Variants in CACNG1 observed in about 807,000 individuals in gnomAD.
CACNG1 encodes calcium voltage-gated channel auxiliary subunit gamma 1.
A neutral mutation model predicts 22.0 loss-of-function variants in CACNG1; 21 were observed. The observed-to-expected ratio is 0.95, with a 90% CI of 0.68 to 1.37. The LOEUF (loss-of-function observed/expected upper bound fraction) is 1.37, where lower values mean the gene tolerates loss of function less well. Among genes scored for constraint, CACNG1 ranks in the 40% most tolerant of loss-of-function variants. The pLI, the probability that CACNG1 is intolerant of heterozygous loss-of-function variation, is 0.00. For synonymous variants in CACNG1, 127 were observed against 129.2 expected, an observed-to-expected ratio of 0.98 and a Z score of 0.12; for missense variants, 291 against 308.6, an observed-to-expected ratio of 0.94 and a Z score of 0.43.
chr17:67,048,308 CAAAAAAAAA>C (rs377751953), intron 1 of CACNG1, among the ~76,000 whole-genome samples: 2 of 110,422 alleles, frequency 1.8e-5, no homozygotes, highest in Non-Finnish European at 3.7e-5. Context: ...CTGTCCCTAC[CAAAAAAAAA>C]AAAAAAAACA....
At chr17:67,046,042 T>C (rs1294937886) in intron 1 of CACNG1, among the ~76,000 whole-genome samples, 1 of 152,218 alleles carries the variant, frequency 6.6e-6, no homozygotes, top group Non-Finnish European at 1.5e-5. Context: ...TTCTGGATTC[T>C]TAGCAAATAC....
chr17:67,056,246 G>A lies in CACNG1; in HGVS notation c.644G>A (p.Cys215Tyr). ...PRMPRNPWES[C>Y]MDAEPEH The stretch of plus-strand genomic sequence containing the variant: ...ATGCCCCGGAACCCATGGGAGTCCT[G>A]CATGGATGCTGAGCCCGAGCACTAA... Residue 215 changes from cysteine to tyrosine, a missense_variant, in exon 4 of 4, where the codon TGC (cysteine) becomes TAC (tyrosine). Coordinates refer to ENST00000226021, the MANE Select transcript of CACNG1 (RefSeq NM_000727.4). The surrounding 1 kb of genome is among the most constrained non-coding windows in gnomAD (Gnocchi z 4.3). 1.2e-6 allele frequency: 2 copies of A among 1,613,908 alleles called. No homozygotes were observed. The highest frequency in any genetic ancestry group is 1.3e-5 in the African/African-American group (1 of 75,016).
At chr17:67,049,229 A>C (rs1435743304) in intron 1 of CACNG1, among the ~76,000 whole-genome samples, 1 of 152,218 alleles carries the variant, frequency 6.6e-6, no homozygotes, top group Admixed American at 6.5e-5. Flanking sequence ...TTTTTCCCCA[A>C]ATCTATGGAG....
intron 1 of CACNG1, among the ~76,000 whole-genome samples, chr17:67,049,210 A>G (rs11651301): frequency 0.43 from 65,581 of 152,006 alleles, 14,589 homozygotes; most frequent in East Asian, 0.76. Context: ...TAATAAGATG[A>G]ACAGCCAATT....
intron 1 of CACNG1, among the ~76,000 whole-genome samples, chr17:67,045,821 C>T (rs906905256): frequency 7.2e-5 from 11 of 152,178 alleles, no homozygotes; most frequent in African/African-American, 2.7e-4. Context: ...CCATGCCCGA[C>T]CTCCACCTGT....
At chr17:67,046,307 T>C (rs2035696687) in intron 1 of CACNG1, among the ~76,000 whole-genome samples, 1 of 152,222 alleles carries the variant, frequency 6.6e-6, no homozygotes, top group South Asian at 2.1e-4. Context: ...ATTTCCTCTT[T>C]TATCAGACTA....
chr17:67,055,805 G>T lies in CACNG1; in HGVS notation c.443-240G>T, dbSNP rs539718223. On this transcript the variant is annotated intron_variant, in intron 3 of 3. Coordinates refer to ENST00000226021, the MANE Select transcript of CACNG1 (RefSeq NM_000727.4). The surrounding 1 kb of genome is among the most constrained non-coding windows in gnomAD (Gnocchi z 4.5). ...TCCTCCTGCCTCAGCCTCCCAAAGT[G>T]CTGGGATTACAGGTGTGAGCCACCA... 6.6e-6 allele frequency among the ~76,000 whole-genome samples: 1 copy of T among 152,316 alleles called. No individual in the cohort carries two copies.
At chr17:67,045,887 G>A (rs2035694204) in intron 1 of CACNG1, among the ~76,000 whole-genome samples, 1 of 152,182 alleles carries the variant, frequency 6.6e-6, no homozygotes, top group Non-Finnish European at 1.5e-5. Context: ...GACCCTGTCA[G>A]AGTTACAAAG....
Position 67,054,177 on chromosome 17 carries a change from T to C in CACNG1, c.304+107T>C. 1 of 902,006 alleles carries C rather than the reference T, an allele frequency of 1.1e-6. No homozygotes were observed. Among genetic ancestry groups the C allele is most frequent in the Non-Finnish European group, 1.8e-6 (1 of 544,008 alleles). The allele number at this position is 902,006 out of a possible 1,614,324, so 55.9% of individuals were successfully genotyped here. A position where few individuals can be genotyped will look rare whatever the true frequency, so the allele number is the denominator to read the frequency against. ...AAAGCACTGACTTCCTCACGCCTGA[T>C]GAGAAGAAGCCTGTGGTGCATTTGA... On this transcript the variant is annotated intron_variant, in intron 2 of 3. Transcript: ENST00000226021. This position sits in a 1 kb window ranked among gnomAD's most constrained non-coding sequence, Gnocchi z 4.6.
At chr17:67,047,106 C>A (rs1406730263) in intron 1 of CACNG1, among the ~76,000 whole-genome samples, 1 of 152,100 alleles carries the variant, frequency 6.6e-6, no homozygotes, top group Non-Finnish European at 1.5e-5. Context: ...TCATATGTGG[C>A]CCGTCATCTA....
At position 67,055,896 on chromosome 17, in the gene CACNG1, C is replaced by A. The variant is rs2035758323; in HGVS notation, c.443-149C>A. ...AGGGTGGTGGGTGGACAAATGGATC[C>A]TTCTGCAGGTTCCCATCTAGAACCT... On this transcript the variant is annotated intron_variant, in intron 3 of 3. Transcript: ENST00000226021. The surrounding 1 kb of genome is among the most constrained non-coding windows in gnomAD (Gnocchi z 4.5). 1 of 632,360 alleles carries A rather than the reference C, an allele frequency of 1.6e-6. No homozygotes were observed. Among genetic ancestry groups the A allele is most frequent in the South Asian group, 1.9e-5 (1 of 53,914 alleles). The allele number at this position is 632,360 out of a possible 1,614,324, so 39.2% of individuals were successfully genotyped here.
Position 67,055,817 on chromosome 17 carries a change from G to A in CACNG1, c.443-228G>A, listed in dbSNP as rs2035757876. Reference sequence around the variant, plus strand: ...AGCCTCCCAAAGTGCTGGGATTACAGGTGTGAGCCACCACACCTGGCCACA... The same window carrying A: ...AGCCTCCCAAAGTGCTGGGATTACAAGTGTGAGCCACCACACCTGGCCACA... On this transcript the variant is annotated intron_variant, in intron 3 of 3. Coordinates refer to ENST00000226021, the MANE Select transcript of CACNG1 (RefSeq NM_000727.4). The surrounding 1 kb of genome is among the most constrained non-coding windows in gnomAD (Gnocchi z 4.5). Among the ~76,000 whole-genome samples, 1 of 152,162 alleles carries A rather than the reference G, an allele frequency of 6.6e-6. No homozygotes were observed. The highest frequency in any genetic ancestry group is 1.5e-5 in the Non-Finnish European group (1 of 68,028).
chr17:67,053,906 C>A (rs778816169), intron 1 of CACNG1, 90 bp from the exon 2 acceptor site: 2 of 900,768 alleles, frequency 2.2e-6, no homozygotes, highest in East Asian at 4.8e-5. Context: ...CCCCTGCATG[C>A]CGAGCAGAAT....
chr17:67,046,752 C>T (rs1411649365), intron 1 of CACNG1, among the ~76,000 whole-genome samples: 1 of 152,228 alleles, frequency 6.6e-6, no homozygotes, highest in African/African-American at 2.4e-5. Flanking sequence ...GTCCTTGGAA[C>T]CATCTGCCTT....
In CACNG1 at chr17:67,056,030, T is replaced by A. The variant is rs1242137670; in HGVS notation, c.443-15T>A. ...ACGCCCCTCGGTCCCTGAGCATGCC[T>A]GGCTCTGCCCCCAGGTCTCTGCATC... On this transcript the variant is annotated splice_polypyrimidine_tract_variant and intron_variant, in intron 3 of 3. Transcript: ENST00000226021. This position sits in a 1 kb window ranked among gnomAD's most constrained non-coding sequence, Gnocchi z 4.3. 6.2e-7 allele frequency: 1 copy of A among 1,604,772 alleles called. No individual in the cohort carries two copies. The highest frequency in any genetic ancestry group is 8.5e-7 in the Non-Finnish European group (1 of 1,177,246).
rs1204960342 is a variant in CACNG1 at position 67,054,296 on chromosome 17, G to A, written c.304+226G>A. ...CTTCCACACCTCGGGGCCAGGGAGCGTTTGCAGAAGCAGCACCTCCTGGTA... is the reference window on the plus strand; with the variant it reads ...CTTCCACACCTCGGGGCCAGGGAGCATTTGCAGAAGCAGCACCTCCTGGTA... On this transcript the variant is annotated intron_variant, in intron 2 of 3. Transcript: ENST00000226021. The surrounding 1 kb of genome is among the most constrained non-coding windows in gnomAD (Gnocchi z 4.6). 3.3e-5 allele frequency among the ~76,000 whole-genome samples: 5 copies of A among 152,286 alleles called. No individual in the cohort carries two copies. The highest frequency in any genetic ancestry group is 2.1e-4 in the South Asian group (1 of 4,828).
rs1396092254 is a variant in CACNG1 at position 67,055,656 on chromosome 17, A to C, written c.443-389A>C. On this transcript the variant is annotated intron_variant, in intron 3 of 3. Transcript: ENST00000226021. This position sits in a 1 kb window ranked among gnomAD's most constrained non-coding sequence, Gnocchi z 4.5. The stretch of plus-strand genomic sequence containing the variant: ...GTTCCTCCCGCCCCAGCCTCCTAGT[A>C]GCTGGGACTACAGACGTGCACCACC... Among the ~76,000 whole-genome samples the C allele has an allele frequency of 1.3e-5, 2 of 152,082 alleles. No homozygotes were observed. Among genetic ancestry groups the C allele is most frequent in the Non-Finnish European group, 2.9e-5 (2 of 68,004 alleles).
At chr17:67,051,326 T>C (rs548440021) in intron 1 of CACNG1, among the ~76,000 whole-genome samples, 1 of 152,164 alleles carries the variant, frequency 6.6e-6, no homozygotes, top group Non-Finnish European at 1.5e-5. Flanking sequence ...CTGGCCTGAT[T>C]TGTCCTAAAT....
chr17:67,044,654 G>A lies in CACNG1; in HGVS notation c.-7G>A, dbSNP rs752470070. 1.4e-5 allele frequency: 23 copies of A among 1,595,770 alleles called. No homozygotes were observed. The highest frequency in any genetic ancestry group is 7.7e-5 in the South Asian group (7 of 90,886). On this transcript the variant is annotated 5_prime_UTR_variant, in exon 1 of 4. Coordinates refer to ENST00000226021, the MANE Select transcript of CACNG1 (RefSeq NM_000727.4). This position sits in a 1 kb window ranked among gnomAD's most constrained non-coding sequence, Gnocchi z 6.9. ...CTGCCCAGGGCACCCACGCCTCGGC[G>A]ACCACCATGTCCCAGACCAAAATGC...
Sources: gnomAD v4.1 joint callset for allele counts (sites outside exome capture counted in the v4.1 genomes callset) on GRCh38, gnomAD v4.1.1 for gene constraint, Gnocchi (gnomAD v3.1) non-coding constraint, MANE v1.5 for transcripts, NCBI Gene and HGNC (gene_info 2026-07-23, HGNC 2026-07-21) for gene names.